RBM19: variants seen among roughly 807,000 people sequenced by gnomAD.
RBM19 encodes the protein probable RNA-binding protein 19.
Under a neutral mutation model 116.8 loss-of-function variants are expected in RBM19, and 94 were observed. That is an observed-to-expected ratio of 0.80 (90% CI 0.68 to 0.95). The LOEUF is 0.95. Among genes scored for constraint, RBM19 ranks in the 40% least tolerant of loss-of-function variants. RBM19 has a pLI of 0.00. For missense variants in RBM19, 1,161 were observed against 1,220.7 expected (o/e 0.95, Z 0.73); for synonymous variants, 475 against 494.1 (o/e 0.96, Z 0.51).
intron 18 of RBM19, among the ~76,000 whole-genome samples, chr12:113,922,830 A>G (rs1283932964): frequency 6.6e-6 from 1 of 152,166 alleles, no homozygotes; most frequent in African/African-American, 2.4e-5. Context: ...TACAGAGGTA[A>G]CCAAGTTAAA....
intron 21 of RBM19, among the ~76,000 whole-genome samples, chr12:113,859,750 G>T (rs1878214596): frequency 6.6e-6 from 1 of 152,100 alleles, no homozygotes; most frequent in East Asian, 1.9e-4. Context: ...AAATATATAT[G>T]CACAAATTGC....
Position 113,841,801 on chromosome 12 carries a change from G to A in RBM19, c.2785+2867C>T, listed in dbSNP as rs115839764. On this transcript the variant is annotated intron_variant, in intron 23 of 23. Transcript: ENST00000261741. Reference sequence around the variant, plus strand: ...GGGTGGGGTGGGAGGCTCTACAGCCGGTCTGGAGATCAAGTCTGAGCTCTG... The same window carrying A: ...GGGTGGGGTGGGAGGCTCTACAGCCAGTCTGGAGATCAAGTCTGAGCTCTG... Among the ~76,000 whole-genome samples the A allele has an allele frequency of 4.7e-3, 718 of 152,236 alleles. 11 individuals carry two copies. The highest frequency in any genetic ancestry group is 0.017 in the African/African-American group (700 of 41,526).
At chr12:113,821,416 C>T (rs143435920), downstream of RBM19, among the ~76,000 whole-genome samples, 277 of 152,230 alleles carry the variant, frequency 1.8e-3, 1 homozygote, top group Admixed American at 2.6e-3. Context: ...CATGTGCCGC[C>T]GAACAGGACA....
Position 113,823,234 on chromosome 12 carries a change from A to G in RBM19, c.2873T>C (p.Leu958Pro). 6.2e-7 allele frequency: 1 copy of G among 1,610,778 alleles called. No individual in the cohort carries two copies. The highest frequency in any genetic ancestry group is 1.1e-5 in the South Asian group (1 of 91,064). ...CCTCTCGGTGCCAGCTCACAGCTGA[A>G]GGGTCTGCTCCTCGCTGTCGCTGTC... ...GSDSDSEEQT[L>P]QL The change falls in exon 24 of 24, where the codon CTT becomes CCT. Residue 958 changes from leucine to proline, a missense_variant. Leu to Pro is a moderately conservative substitution (Grantham distance 98). Transcript: ENST00000261741.
chr12:113,854,562 C>T (rs959105575), intron 22 of RBM19, among the ~76,000 whole-genome samples: 3 of 152,118 alleles, frequency 2.0e-5, no homozygotes, highest in African/African-American at 7.2e-5. Context: ...TTAGATAACA[C>T]CAGCATTTTC....
At chr12:113,945,430 T>G (rs1870930854) in intron 13 of RBM19, among the ~76,000 whole-genome samples, 1 of 152,166 alleles carries the variant, frequency 6.6e-6, no homozygotes, top group African/African-American at 2.4e-5. Context: ...CACCTCCACC[T>G]CTTTGCAAGT....
chr12:113,953,313 C>T (rs961790454), intron 7 of RBM19, among the ~76,000 whole-genome samples: 18 of 152,290 alleles, frequency 1.2e-4, no homozygotes, highest in Middle Eastern at 3.4e-3. Context: ...CATGGTGAAA[C>T]GCTGTCTCTA....
chr12:113,917,822 A>C (rs929613046), intron 20 of RBM19, among the ~76,000 whole-genome samples: 2 of 152,222 alleles, frequency 1.3e-5, no homozygotes, highest in African/African-American at 4.8e-5. Flanking sequence ...TTAGATATAC[A>C]AGCAGGTAGA....
intron 18 of RBM19, among the ~76,000 whole-genome samples, chr12:113,923,834 G>A (rs1228557317): frequency 1.3e-5 from 2 of 152,336 alleles, no homozygotes; most frequent in African/African-American, 4.8e-5. Flanking sequence ...TAGACTGTGT[G>A]CATGCTGCGG....
chr12:113,851,924 G>A (rs921568248), intron 22 of RBM19, among the ~76,000 whole-genome samples: 2 of 151,932 alleles, frequency 1.3e-5, no homozygotes, highest in African/African-American at 2.4e-5. Context: ...GGAGGCGCAC[G>A]TCTGTGATCC....
chr12:113,852,841 G>A (rs1004475783), intron 22 of RBM19, among the ~76,000 whole-genome samples: 2 of 152,350 alleles, frequency 1.3e-5, no homozygotes, highest in South Asian at 2.1e-4. Context: ...ACTAACCAGC[G>A]TGCAGCACGT....
intron 21 of RBM19, among the ~76,000 whole-genome samples, chr12:113,881,163 GC>G (rs1479026642): frequency 6.6e-6 from 1 of 152,138 alleles, no homozygotes; most frequent in African/African-American, 2.4e-5. Flanking sequence ...TCCCCACCCA[GC>G]CCCGATAATG....
chr12:113,928,417 TACACACACACACAC>T (rs3066401), intron 16 of RBM19, among the ~76,000 whole-genome samples: 1 of 136,342 alleles, frequency 7.3e-6, no homozygotes, highest in East Asian at 2.4e-4. Context: ...TACATGTGCA[TACACACACACACAC>T]ACACACACAC....
At chr12:113,840,409 G>T (rs958499111) in intron 23 of RBM19, among the ~76,000 whole-genome samples, 5 of 152,194 alleles carry the variant, frequency 3.3e-5, no homozygotes, top group Non-Finnish European at 5.9e-5. Context: ...CCTGGGCATC[G>T]TTTCTCAGGG....
chr12:113,883,363 A>G (rs1350955528), intron 21 of RBM19, among the ~76,000 whole-genome samples: 2 of 152,360 alleles, frequency 1.3e-5, no homozygotes, highest in East Asian at 3.9e-4. Flanking sequence ...CTTTGATGCC[A>G]CATGTGGGTC....
At chr12:113,878,516 C>T (rs1879832999) in intron 21 of RBM19, among the ~76,000 whole-genome samples, 1 of 152,220 alleles carries the variant, frequency 6.6e-6, no homozygotes, top group East Asian at 1.9e-4. Flanking sequence ...CCATCGCAGG[C>T]CCCAAGCGGG....
At chr12:113,877,085 C>G (rs1018156990) in intron 21 of RBM19, among the ~76,000 whole-genome samples, 6 of 152,346 alleles carry the variant, frequency 3.9e-5, no homozygotes, top group African/African-American at 1.4e-4. Flanking sequence ...CTGGGCTGCC[C>G]CTGCAGCCAC....
At chr12:113,886,085 A>G (rs1367542278) in intron 21 of RBM19, among the ~76,000 whole-genome samples, 1 of 151,674 alleles carries the variant, frequency 6.6e-6, no homozygotes, top group Non-Finnish European at 1.5e-5. Flanking sequence ...GTTAGCCAGG[A>G]TGGTCTCTAT....
At chr12:113,867,448 C>T (rs1878902309) in intron 21 of RBM19, among the ~76,000 whole-genome samples, 1 of 152,194 alleles carries the variant, frequency 6.6e-6, no homozygotes, top group African/African-American at 2.4e-5. Flanking sequence ...GTGCTCCGGC[C>T]TCCAGGGGGC....
Sources: gnomAD v4.1 joint callset for allele counts (sites outside exome capture counted in the v4.1 genomes callset) on GRCh38, gnomAD v4.1.1 for gene constraint, MANE v1.5 for transcripts, NCBI Gene and HGNC (gene_info 2026-07-23, HGNC 2026-07-21) for gene names.